UHRF1: variants seen among roughly 807,000 people sequenced by gnomAD.
The protein encoded by UHRF1 is E3 ubiquitin-protein ligase UHRF1.
A neutral mutation model predicts 96.5 loss-of-function variants in UHRF1; 9 were observed. That is an observed-to-expected ratio of 0.09 (90% confidence interval 0.06 to 0.16). The LOEUF is 0.16. UHRF1 is among the 10% of genes least tolerant of loss of function. The pLI is 1.00. For missense variants in UHRF1, 626 were observed against 1,131.1 expected (o/e 0.55, Z 6.40); for synonymous variants, 455 against 469.9 (o/e 0.97, Z 0.41).
At chr19:4,940,359 ATTTTTTTTT>A (rs543779456) in intron 5 of UHRF1, among the ~76,000 whole-genome samples, 2 of 67,056 alleles carry the variant, frequency 3.0e-5, no homozygotes, top group African/African-American at 1.1e-4. Flanking sequence ...TGCCTTTATG[ATTTTTTTTT>A]TTTTTTTTTT....
At chr19:4,908,722 T>C (rs1804327015), upstream of UHRF1, among the ~76,000 whole-genome samples, 1 of 152,154 alleles carries the variant, frequency 6.6e-6, no homozygotes, top group Non-Finnish European at 1.5e-5. Flanking sequence ...CATCTGAAAT[T>C]ATCTGCTTTA....
In UHRF1 at chr19:4,926,787, G is replaced by A. The variant is rs537433268; in HGVS notation, c.154-2435G>A. Among the ~76,000 whole-genome samples the A allele has an allele frequency of 2.6e-3, 402 of 151,960 alleles. 1 individual carries two copies. Among genetic ancestry groups the A allele is most frequent in the Non-Finnish European group, 5.1e-3 (346 of 67,972 alleles). ...CTAAAGGAAAAAAAAAAAAAAGTCC[G>A]GGTGCAGTGGCTCACGCCTGTAATC... On this transcript the variant is annotated intron_variant, in intron 2 of 16. Transcript: ENST00000650932.
intron 5 of UHRF1, among the ~76,000 whole-genome samples, chr19:4,940,718 G>A (rs552565145): frequency 1.3e-5 from 2 of 151,806 alleles, no homozygotes; most frequent in East Asian, 3.9e-4. Flanking sequence ...TGTCGCCCAG[G>A]CTGGAGTGCA....
chr19:4,960,977 C>G lies in UHRF1; in HGVS notation c.*174C>G. 1 of 441,098 alleles carries G rather than the reference C, an allele frequency of 2.3e-6. No individual in the cohort carries two copies. The highest frequency in any genetic ancestry group is 3.9e-6 in the Non-Finnish European group (1 of 258,566). The allele number at this position is 441,098 out of a possible 1,614,324, so 27.3% of individuals were successfully genotyped here. ...TTTATTTTTCAAATCTATACATTTT[C>G]AGGAATTTATGTATTCTGGCTAAAA... On this transcript the variant is annotated 3_prime_UTR_variant, in exon 17 of 17. Transcript: ENST00000650932.
intron 11 of UHRF1, among the ~76,000 whole-genome samples, chr19:4,948,967 CAAA>C (rs55757803): frequency 3.1e-4 from 16 of 51,194 alleles, no homozygotes; most frequent in African/African-American, 1.0e-3. Context: ...ACTAAGAATA[CAAA>C]AAAAAAAAAA....
At chr19:4,916,647 C>G (rs1454212622) in intron 2 of UHRF1, among the ~76,000 whole-genome samples, 1 of 151,882 alleles carries the variant, frequency 6.6e-6, no homozygotes, top group Non-Finnish European at 1.5e-5. Context: ...CACGCCACCG[C>G]CGCCCCCTCT....
In UHRF1 at chr19:4,916,133, C is replaced by A. The variant is rs2656926; in HGVS notation, c.153+5095C>A. The stretch of plus-strand genomic sequence containing the variant: ...GACCAGCCTGGGCCATGTAGCAAGA[C>A]CCCGTCTCTACAAAAAATGAAAATT... On this transcript the variant is annotated intron_variant, in intron 2 of 16. Coordinates refer to ENST00000650932, the MANE Select transcript of UHRF1 (RefSeq NM_001048201.3). Among the ~76,000 whole-genome samples the A allele has an allele frequency of 1.7e-3, 261 of 152,132 alleles. 3 individuals carry two copies. The highest frequency in any genetic ancestry group is 6.0e-3 in the African/African-American group (251 of 41,516).
chr19:4,925,147 G>A (rs758205942), intron 2 of UHRF1, among the ~76,000 whole-genome samples: 9 of 151,944 alleles, frequency 5.9e-5, no homozygotes, highest in Admixed American at 4.6e-4. Flanking sequence ...TTTAAATAAC[G>A]GCTTTATTAT....
upstream of UHRF1, among the ~76,000 whole-genome samples, chr19:4,907,202 T>C (rs1446535051): frequency 6.6e-6 from 1 of 152,158 alleles, no homozygotes; most frequent in Admixed American, 6.6e-5. Context: ...CTCCGTCTCC[T>C]GGGTTCAAGT....
chr19:4,916,083 G>A (rs2146294430), intron 2 of UHRF1, among the ~76,000 whole-genome samples: 1 of 152,092 alleles, frequency 6.6e-6, no homozygotes, highest in East Asian at 1.9e-4. Context: ...GCTGAGGCGA[G>A]GATCGCTTGA....
chr19:4,939,810 G>C (rs2033330010), intron 5 of UHRF1, among the ~76,000 whole-genome samples: 1 of 152,154 alleles, frequency 6.6e-6, no homozygotes, highest in African/African-American at 2.4e-5. Flanking sequence ...GGATCACAAG[G>C]TCAGGAGATC....
intron 2 of UHRF1, among the ~76,000 whole-genome samples, chr19:4,928,430 C>T (rs1414186254): frequency 6.6e-6 from 1 of 152,094 alleles, no homozygotes; most frequent in Non-Finnish European, 1.5e-5. Context: ...GCTTCTCCAG[C>T]CCCCAGATAC....
intron 5 of UHRF1, among the ~76,000 whole-genome samples, chr19:4,940,402 G>T (rs981133198): frequency 9.0e-6 from 1 of 111,680 alleles, no homozygotes; most frequent in South Asian, 3.1e-4. Flanking sequence ...GTCTTGCTCT[G>T]TCGCCCATGC....
upstream of UHRF1, among the ~76,000 whole-genome samples, chr19:4,905,023 C>T (rs1327276834): frequency 6.6e-6 from 1 of 151,916 alleles, no homozygotes; most frequent in Non-Finnish European, 1.5e-5. Flanking sequence ...CTCTTATTTC[C>T]CTAAGTCAAG....
intron 9 of UHRF1, among the ~76,000 whole-genome samples, chr19:4,944,896 C>G (rs1376600061): frequency 6.6e-6 from 1 of 152,192 alleles, no homozygotes; most frequent in Non-Finnish European, 1.5e-5. Context: ...GCGGGGCCAT[C>G]CTGGGCACTG....
intron 5 of UHRF1, among the ~76,000 whole-genome samples, chr19:4,936,114 G>C (rs1489675925): frequency 1.3e-5 from 2 of 152,202 alleles, no homozygotes; most frequent in African/African-American, 2.4e-5. Context: ...AGGAGGCACA[G>C]CGGGAAAGGG....
chr19:4,929,156 T>C, intron 2 of UHRF1, 66 bp from the exon 3 acceptor site: 2 of 1,563,404 alleles, frequency 1.3e-6, no homozygotes, highest in South Asian at 2.4e-5. Context: ...GGTTCATCAC[T>C]GGTGCCCACA....
intron 2 of UHRF1, among the ~76,000 whole-genome samples, chr19:4,927,082 C>G (rs989131204): frequency 1.3e-5 from 2 of 149,540 alleles, no homozygotes; most frequent in Non-Finnish European, 3.0e-5. Context: ...CAAAACAAAA[C>G]AAAACAAAAA....
chr19:4,948,968 A>G (rs1174992940), intron 11 of UHRF1, among the ~76,000 whole-genome samples: 1 of 69,104 alleles, frequency 1.4e-5, no homozygotes, highest in Admixed American at 1.3e-4. Context: ...CTAAGAATAC[A>G]AAAAAAAAAA....
Sources: gnomAD v4.1 joint callset for allele counts (sites outside exome capture counted in the v4.1 genomes callset) on GRCh38, gnomAD v4.1.1 for gene constraint, MANE v1.5 for transcripts, NCBI Gene and HGNC (gene_info 2026-07-23, HGNC 2026-07-21) for gene names.